Variants in TLN1 observed in about 807,000 individuals in gnomAD.
TLN1 encodes talin-1.
In TLN1, 56 loss-of-function variants were observed where a neutral mutation model predicts 292.3. That is an observed-to-expected ratio of 0.19 (90% CI 0.15 to 0.24). TLN1 has a LOEUF of 0.24. TLN1 is among the 10% of genes least tolerant of loss of function. The probability of loss-of-function intolerance (pLI) is 1.00; values close to 1 mark genes in which losing one functional copy is unlikely to be tolerated. For missense variants in TLN1, 2,433 were observed against 3,248.2 expected, an observed-to-expected ratio of 0.75 and a Z score of 6.10; for synonymous variants, 1,119 against 1,253.7, an observed-to-expected ratio of 0.89 and a Z score of 2.27.
In TLN1 at chr9:35,700,091, G is replaced by A. The variant is rs747049665; in HGVS notation, c.6661-10C>T. The A allele has an allele frequency of 6.2e-7, 1 of 1,607,326 alleles. No homozygotes were observed. The highest frequency in any genetic ancestry group is 1.7e-5 in the Admixed American group (1 of 59,690). ...GGTGGTAAGCTGCTTCCTGTCCCCAGAGTAATATGTTAGCTTTAGGCCCCG... is the reference window on the plus strand; with the variant it reads ...GGTGGTAAGCTGCTTCCTGTCCCCAAAGTAATATGTTAGCTTTAGGCCCCG... On this transcript the variant is annotated splice_polypyrimidine_tract_variant and intron_variant, in intron 49 of 56. Transcript: ENST00000314888.
intron 7 of TLN1, 86 bp downstream of exon 7, chr9:35,723,866 C>G: frequency 6.4e-7 from 1 of 1,567,022 alleles, no homozygotes; most frequent in Non-Finnish European, 8.6e-7. Context: ...TAGTGGGGGG[C>G]AGGCTTGGAA....
intron 33 of TLN1, among the ~76,000 whole-genome samples, chr9:35,710,166 T>C (rs1273772166): frequency 1.5e-5 from 2 of 134,004 alleles, no homozygotes; most frequent in African/African-American, 2.8e-5. Flanking sequence ...GAGCTTGCAG[T>C]GAGCCTAGAT....
At chr9:35,700,488 A>T in intron 48 of TLN1, 112 bp from the exon 49 acceptor site, 1 of 1,118,298 alleles carries the variant, frequency 8.9e-7, no homozygotes, top group Non-Finnish European at 1.2e-6. Context: ...CAGTGAATGT[A>T]ACAAGGCAGT....
intron 11 of TLN1, 120 bp from the exon 12 acceptor site, chr9:35,720,629 CTTTTTTT>C (rs372029210): frequency 1.8e-5 from 15 of 833,418 alleles, no homozygotes; most frequent in Non-Finnish European, 2.5e-5. Context: ...ATTTCTTTTT[CTTTTTTT>C]TTTTTTTTTG....
In TLN1 at chr9:35,700,071, T is replaced by C. The variant is rs879119546; in HGVS notation, c.6671A>G (p.Tyr2224Cys). ...CACATCAGGGGCCACTTCTGGGTGG[T>C]AAGCTGCTTCCTGTCCCCAGAGTAA... ...DMLRACKEAA[Y>C]HPEVAPDVRL... Residue 2224 changes from tyrosine (Y) to cysteine (C), a missense_variant, in exon 50 of 57, where the codon TAC (tyrosine) becomes TGC (cysteine). Tyr to Cys is a radical substitution (Grantham distance 194). Transcript: ENST00000314888. 1.2e-6 allele frequency: 2 copies of C among 1,611,736 alleles called. No individual in the cohort carries two copies. The highest frequency in any genetic ancestry group is 1.7e-6 in the Non-Finnish European group (2 of 1,178,356).
chr9:35,726,500 C>T (rs565176660), intron 1 of TLN1, among the ~76,000 whole-genome samples: 239 of 152,360 alleles, frequency 1.6e-3, no homozygotes, highest in African/African-American at 5.4e-3. Context: ...CTTCTCACCA[C>T]GTGACCTTCC....
At chr9:35,700,144 T>C (rs1207658412) in intron 49 of TLN1, 47 bp downstream of exon 49, 1 of 1,592,568 alleles carries the variant, frequency 6.3e-7, no homozygotes, top group Admixed American at 1.7e-5. Context: ...TCTCCCACTA[T>C]GTTCTGGCCC....
In TLN1 at chr9:35,707,516, C is replaced by G. The variant is rs774535916; in HGVS notation, c.4633-28G>C. The G allele has an allele frequency of 6.2e-7, 1 of 1,611,906 alleles. No individual in the cohort carries two copies. Among genetic ancestry groups the G allele is most frequent in the South Asian group, 1.1e-5 (1 of 90,980 alleles). Reference sequence around the variant, plus strand: ...AGAAGTGACAGAGAGGCTCTCAGGACTTGGGATGCAGTCATAGGGGGTATA... The same window carrying G: ...AGAAGTGACAGAGAGGCTCTCAGGAGTTGGGATGCAGTCATAGGGGGTATA... On this transcript the variant is annotated intron_variant, in intron 35 of 56. Transcript: ENST00000314888. This position sits in a 1 kb window ranked among gnomAD's most constrained non-coding sequence, Gnocchi z 5.6.
At chr9:35,708,616 G>A in intron 33 of TLN1, 132 bp from the exon 34 acceptor site, 1 of 846,198 alleles carries the variant, frequency 1.2e-6, no homozygotes, top group Non-Finnish European at 1.6e-6. Context: ...CTCCATGAGT[G>A]GAGATACATT....
intron 1 of TLN1, among the ~76,000 whole-genome samples, chr9:35,726,493 C>G (rs1223208490): frequency 6.6e-6 from 1 of 152,250 alleles, no homozygotes; most frequent in Non-Finnish European, 1.5e-5. Context: ...GAGCTCTCTT[C>G]TCACCACGTG....
rs1563943042 is a variant in TLN1, at chr9:35,713,004, A to G, written c.3392T>C (p.Leu1131Pro). The change falls in exon 27 of 57, where the codon CTG becomes CCG. Residue 1131 changes from leucine to proline, a missense_variant. By Grantham distance (98) the Leu-to-Pro change is moderately conservative. This residue lies in a region of TLN1 where 1,384 missense variants were observed against 1,699.6 expected (regional missense o/e 0.81). Coordinates refer to ENST00000314888, the MANE Select transcript of TLN1 (RefSeq NM_006289.4). The stretch of plus-strand genomic sequence containing the variant: ...AGCGACTCCCCTAGCGGCCTGGGCC[A>G]GTGACCGCAGCCCACCTGCCACATC... The part of the protein sequence containing the change: ...ARDVAGGLRS[L>P]AQAARGVAAL... The G allele has an allele frequency of 3.1e-6, 5 of 1,608,624 alleles. No individual in the cohort carries two copies. Among genetic ancestry groups the G allele is most frequent in the Non-Finnish European group, 4.2e-6 (5 of 1,178,388 alleles).
rs748555839 is a variant in TLN1 at position 35,706,513 on chromosome 9, G to C, written c.5127C>G (p.Ile1709Met). 2 of 1,614,124 alleles carry C rather than the reference G, an allele frequency of 1.2e-6. No individual in the cohort carries two copies. The highest frequency in any genetic ancestry group is 1.7e-6 in the Non-Finnish European group (2 of 1,180,028). ...HTQMLTAVQE[I>M]SHLIEPLANA... The stretch of plus-strand genomic sequence containing the variant: ...TGGCCAGCGGCTCAATGAGATGGGA[G>C]ATCTCTTGGACTGCAGTGAGCATCT... The change falls in exon 39 of 57, where the codon ATC (isoleucine) becomes ATG (methionine). Residue 1709 changes from isoleucine to methionine, a missense_variant. By Grantham distance (10) the Ile-to-Met change is conservative. Transcript: ENST00000314888. This position sits in a 1 kb window ranked among gnomAD's most constrained non-coding sequence, Gnocchi z 4.2.
At chr9:35,712,792 AG>A in intron 27 of TLN1, 42 bp downstream of exon 27, 1 of 1,524,528 alleles carries the variant, frequency 6.6e-7, no homozygotes, top group Non-Finnish European at 8.9e-7. Flanking sequence ...GGCCTTATGA[AG>A]GAACCTGGGG....
In TLN1 at chr9:35,704,471, C is replaced by A; in HGVS notation, c.5908G>T (p.Ala1970Ser). 2 of 1,612,478 alleles carry A rather than the reference C, an allele frequency of 1.2e-6. No homozygotes were observed. The highest frequency in any genetic ancestry group is 1.7e-6 in the Non-Finnish European group (2 of 1,179,056). Residue 1970 changes from alanine to serine, a missense_variant, in exon 45 of 57, where the codon GCT becomes TCT. By Grantham distance (99) the Ala-to-Ser change is moderately conservative. Around this residue, in one of 7 missense-constraint regions of TLN1, gnomAD observed 1,384 missense variants for 1,699.6 expected, o/e 0.81. Coordinates refer to ENST00000314888, the MANE Select transcript of TLN1 (RefSeq NM_006289.4). The surrounding 1 kb of genome is among the most constrained non-coding windows in gnomAD (Gnocchi z 6.9). ...KVSHVLAALQ[A>S]GNRGTQACIT... is the part of the protein sequence containing the mutation. ...CAGGCCTGGGTGCCACGATTCCCAG[C>A]CTGGAGCGCAGCCAGGACGTGGGAG...
chr9:35,698,826 T>C lies in TLN1; in HGVS notation c.7107A>G (p.Glu2369=). 1 of 1,614,112 alleles carries C rather than the reference T, an allele frequency of 6.2e-7. No homozygotes were observed. The highest frequency in any genetic ancestry group is 8.5e-7 in the Non-Finnish European group (1 of 1,179,990). The change falls in exon 53 of 57, where the codon GAA becomes GAG. Residue 2369 remains glutamate, a synonymous_variant. Transcript: ENST00000314888. This position sits in a 1 kb window ranked among gnomAD's most constrained non-coding sequence, Gnocchi z 5.3. ...LVKAASAAQR[E]LVAQGKVGAI... Reference sequence around the variant, plus strand: ...CACTCACCTTCCCTTGGGCCACTAGTTCTCTCTGGGCAGCCGACGCAGCCT... The same window carrying C: ...CACTCACCTTCCCTTGGGCCACTAGCTCTCTCTGGGCAGCCGACGCAGCCT...
Position 35,714,551 on chromosome 9 carries a change from G to A in TLN1, c.2985+23C>T. ...AGAAAGGTGGGAAGGTCAGGTCAGA[G>A]AAGTGCAGAGGGGGTGCCTTGCCTG... On this transcript the variant is annotated intron_variant, in intron 23 of 56. Transcript: ENST00000314888. This position sits in a 1 kb window ranked among gnomAD's most constrained non-coding sequence, Gnocchi z 4.6. The A allele has an allele frequency of 6.2e-7, 1 of 1,604,176 alleles. No individual in the cohort carries two copies. Among genetic ancestry groups the A allele is most frequent in the Non-Finnish European group, 8.5e-7 (1 of 1,179,004 alleles).
At position 35,712,886 on chromosome 9, in the gene TLN1, T is replaced by C; in HGVS notation, c.3510A>G (p.Lys1170=). The change falls in exon 27 of 57, where the codon AAA becomes AAG. Residue 1170 remains lysine (K), a synonymous_variant. Coordinates refer to ENST00000314888, the MANE Select transcript of TLN1 (RefSeq NM_006289.4). ...GGTCCCCTGGATGGCCAGCTGCCTT[T>C]TTCGCCTCCTCAATGAGGCTGCTGG... The part of the protein sequence containing the change: ...DKASSLIEEA[K]KAAGHPGDPE... The C allele has an allele frequency of 6.3e-7, 1 of 1,599,838 alleles. No individual in the cohort carries two copies. Among genetic ancestry groups the C allele is most frequent in the Non-Finnish European group, 8.5e-7 (1 of 1,172,636 alleles).
chr9:35,719,368 G>C lies in TLN1; in HGVS notation c.1688-86C>G. ...GAGGGAGCAAAGTCACACCCAGTTA[G>C]TCACACACATGTCCACAGAAAGACG... On this transcript the variant is annotated intron_variant, in intron 15 of 56. Transcript: ENST00000314888. This position sits in a 1 kb window ranked among gnomAD's most constrained non-coding sequence, Gnocchi z 4.6. 2 of 1,405,118 alleles carry C rather than the reference G, an allele frequency of 1.4e-6. No homozygotes were observed. Among genetic ancestry groups the C allele is most frequent in the Non-Finnish European group, 2.0e-6 (2 of 999,976 alleles). The allele number at this position is 1,405,118 out of a possible 1,614,324, so 87.0% of individuals were successfully genotyped here. A position where few individuals can be genotyped will look rare whatever the true frequency, so the allele number is the denominator to read the frequency against.
chr9:35,700,529 G>A (rs1825447756), intron 48 of TLN1, among the ~76,000 whole-genome samples, 153 bp from the exon 49 acceptor site: 1 of 143,082 alleles, frequency 7.0e-6, no homozygotes. Flanking sequence ...AGCAACTGGG[G>A]AGTTTGTTTG....
Sources: allele counts gnomAD v4.1 joint callset (sites outside exome capture counted in the v4.1 genomes callset), GRCh38; gene constraint gnomAD v4.1.1; regional missense constraint gnomAD v4.1.1; non-coding constraint Gnocchi (gnomAD v3.1); transcripts MANE v1.5; gene names NCBI Gene and HGNC (gene_info 2026-07-23, HGNC 2026-07-21).